The following ARHGAP10 variants were observed in gnomAD, a reference collection of about 807,000 sequenced individuals.
ARHGAP10 encodes the protein rho GTPase-activating protein 10.
ARHGAP10 carries 87 observed loss-of-function variants against 108.6 expected under a neutral mutation model. The observed-to-expected ratio is 0.80, with a 90% CI of 0.67 to 0.96. The LOEUF (loss-of-function observed/expected upper bound fraction) is 0.96, where lower values mean the gene tolerates loss of function less well. Ranked by LOEUF, ARHGAP10 falls within the 40% of genes least tolerant of loss-of-function variation. ARHGAP10 has a pLI of 0.00. For synonymous variants in ARHGAP10, 347 were observed against 341.1 expected, an observed-to-expected ratio of 1.02 and a Z score of -0.19; for missense variants, 939 against 954.5, an observed-to-expected ratio of 0.98 and a Z score of 0.21.
rs552827499 is a variant in ARHGAP10 at position 147,765,341 on chromosome 4, G to T, written c.154+32886G>T. Reference sequence around the variant, plus strand: ...GTGCTGTGGTGTGTGTGTGTGTGGGGGGGGGGGTGTGAGTGTGTGTATTTC... The same window carrying T: ...GTGCTGTGGTGTGTGTGTGTGTGGGTGGGGGGGTGTGAGTGTGTGTATTTC... On this transcript the variant is annotated intron_variant, in intron 1 of 22. Coordinates refer to ENST00000336498, the MANE Select transcript of ARHGAP10 (RefSeq NM_024605.4). Among the ~76,000 whole-genome samples, 351 of 127,374 alleles carry T rather than the reference G, an allele frequency of 2.8e-3. 3 individuals are homozygous for T. Among genetic ancestry groups the T allele is most frequent in the African/African-American group, 8.2e-3 (302 of 36,908 alleles). The allele number at this position is 127,374 out of a possible 152,430, so 83.6% of individuals were successfully genotyped here.
chr4:147,942,392 A>G (rs1284351790), intron 14 of ARHGAP10, among the ~76,000 whole-genome samples: 1 of 152,192 alleles, frequency 6.6e-6, no homozygotes, highest in East Asian at 1.9e-4. Context: ...TACACAAAGT[A>G]CTTTGTATTG....
At chr4:147,898,949 C>T (rs988327662) in intron 10 of ARHGAP10, among the ~76,000 whole-genome samples, 12 of 152,164 alleles carry the variant, frequency 7.9e-5, no homozygotes, top group African/African-American at 2.4e-4. Context: ...TCACCTTATA[C>T]CTTACACCAG....
intron 12 of ARHGAP10, among the ~76,000 whole-genome samples, chr4:147,911,713 T>C: frequency 6.6e-6 from 1 of 152,126 alleles, no homozygotes; most frequent in Non-Finnish European, 1.5e-5. Context: ...GATATACAGA[T>C]ATGCCAGCCT....
chr4:148,037,890 T>C lies in ARHGAP10; in HGVS notation c.1868-9002T>C, dbSNP rs573350165. 1.6e-4 allele frequency among the ~76,000 whole-genome samples: 24 copies of C among 151,890 alleles called. No individual in the cohort carries two copies. The South Asian group carries it at 5.0e-3, about 32-fold the overall frequency. ...AGCTATATCCTTTGATCTCTGTCAA[T>C]CTTAAAATTCAATTGTTGGTTCCAT... On this transcript the variant is annotated intron_variant, in intron 19 of 22. Coordinates refer to ENST00000336498, the MANE Select transcript of ARHGAP10 (RefSeq NM_024605.4).
At chr4:147,893,938 A>C (rs1321868036) in intron 10 of ARHGAP10, among the ~76,000 whole-genome samples, 4 of 152,190 alleles carry the variant, frequency 2.6e-5, no homozygotes, top group African/African-American at 9.6e-5. Flanking sequence ...GTATTGAAAG[A>C]CACATTTTAT....
chr4:147,864,776 G>T (rs1367496320), intron 5 of ARHGAP10, 70 bp from the exon 6 acceptor site: 1 of 1,398,406 alleles, frequency 7.2e-7, no homozygotes, highest in Non-Finnish European at 1.0e-6. Flanking sequence ...ACCACAGTGT[G>T]ATGACCTCTG....
At chr4:147,938,908 A>C (rs762940726) in intron 13 of ARHGAP10, among the ~76,000 whole-genome samples, 41 of 152,208 alleles carry the variant, frequency 2.7e-4, no homozygotes, top group Non-Finnish European at 4.6e-4. Flanking sequence ...CAAGCATAAA[A>C]AAGTAGAGAG....
chr4:147,806,580 A>G (rs921902936), intron 1 of ARHGAP10, among the ~76,000 whole-genome samples: 3 of 152,086 alleles, frequency 2.0e-5, no homozygotes, highest in African/African-American at 4.8e-5. Context: ...GCTTTCATCA[A>G]GAAAGTATTG....
At chr4:147,957,672 G>C (rs1480186566) in intron 16 of ARHGAP10, among the ~76,000 whole-genome samples, 1 of 152,158 alleles carries the variant, frequency 6.6e-6, no homozygotes, top group Non-Finnish European at 1.5e-5. Flanking sequence ...GTGGTGATGA[G>C]ATAGTTTCTT....
At chr4:147,758,933 C>T (rs116510653) in intron 1 of ARHGAP10, among the ~76,000 whole-genome samples, 10,521 of 144,782 alleles carry the variant, frequency 0.073, 831 homozygotes, top group African/African-American at 0.2. Context: ...GAGCAGAGAT[C>T]GTGCCACTGC....
In ARHGAP10 at chr4:147,901,396, T is replaced by C. The variant is rs547881768; in HGVS notation, c.1035-5242T>C. ...AATGCGTTGCAAGTGTGAAGTGTTCTGAAGAATGTAGACTGTGATGAGTTA... is the reference window on the plus strand; with the variant it reads ...AATGCGTTGCAAGTGTGAAGTGTTCCGAAGAATGTAGACTGTGATGAGTTA... On this transcript the variant is annotated intron_variant, in intron 10 of 22. Transcript: ENST00000336498. Among the ~76,000 whole-genome samples, 289 of 152,348 alleles carry C rather than the reference T, an allele frequency of 1.9e-3. 1 individual carries two copies. Among genetic ancestry groups the C allele is most frequent in the Non-Finnish European group, 1.8e-3 (124 of 68,030 alleles).
At chr4:147,994,991 G>T (rs892058818) in intron 18 of ARHGAP10, among the ~76,000 whole-genome samples, 1 of 152,174 alleles carries the variant, frequency 6.6e-6, no homozygotes, top group Admixed American at 6.5e-5. Context: ...GTGTGTAATC[G>T]TATTATTCTG....
chr4:147,984,371 T>C (rs72724393), intron 18 of ARHGAP10, among the ~76,000 whole-genome samples: 2,530 of 152,290 alleles, frequency 0.017, 33 homozygotes, highest in Non-Finnish European at 0.028. Context: ...CCACAGCACA[T>C]TGAGGAGGCG....
chr4:147,765,155 G>A (rs928908773), intron 1 of ARHGAP10, among the ~76,000 whole-genome samples: 6 of 152,106 alleles, frequency 3.9e-5, no homozygotes, highest in Non-Finnish European at 7.3e-5. Flanking sequence ...AGGAGTCCAC[G>A]CTATTTTCAG....
chr4:148,013,253 T>G (rs1014194213), intron 18 of ARHGAP10, among the ~76,000 whole-genome samples: 1 of 152,196 alleles, frequency 6.6e-6, no homozygotes, highest in African/African-American at 2.4e-5. Context: ...GATTCTCTCT[T>G]AAATATGTAA....
chr4:147,782,972 TTATATATTATATAAATTA>T (rs1005475362), intron 1 of ARHGAP10, among the ~76,000 whole-genome samples: 21 of 140,728 alleles, frequency 1.5e-4, no homozygotes, highest in African/African-American at 2.3e-4. Flanking sequence ...ATATATTAAA[TTATATATTATATAAATTA>T]TATATATTAT....
In ARHGAP10 at chr4:147,801,820, T is replaced by A. The variant is rs567260489; in HGVS notation, c.155-20907T>A. Among the ~76,000 whole-genome samples the A allele has an allele frequency of 2.6e-5, 4 of 152,354 alleles. No individual in the cohort carries two copies. The East Asian group carries it at 5.8e-4, about 22-fold the overall frequency. Reference sequence around the variant, plus strand: ...AAATAGTTCTCCATGAAGCTTTTTTTCCTCTGCTGCAGAGATGGAGAAATG... The same window carrying A: ...AAATAGTTCTCCATGAAGCTTTTTTACCTCTGCTGCAGAGATGGAGAAATG... On this transcript the variant is annotated intron_variant, in intron 1 of 22. Transcript: ENST00000336498.
intron 1 of ARHGAP10, among the ~76,000 whole-genome samples, chr4:147,785,083 T>TAAAAAA (rs368685839): frequency 4.2e-5 from 5 of 118,778 alleles, no homozygotes; most frequent in Admixed American, 1.1e-4. Context: ...GACTATTTTC[T>TAAAAAA]AAAAAAAAAA....
chr4:147,924,432 G>T (rs1251120512), intron 13 of ARHGAP10, among the ~76,000 whole-genome samples: 3 of 152,128 alleles, frequency 2.0e-5, no homozygotes, highest in African/African-American at 7.2e-5. Context: ...GAATAGAAAT[G>T]AAGAAAATTA....
Sources: allele counts gnomAD v4.1 joint callset (sites outside exome capture counted in the v4.1 genomes callset), GRCh38; gene constraint gnomAD v4.1.1; transcripts MANE v1.5; gene names NCBI Gene and HGNC (gene_info 2026-07-23, HGNC 2026-07-21).